FNBP1L: variants seen among roughly 807,000 people sequenced by gnomAD.
FNBP1L encodes the protein formin binding protein 1 like.
Under a neutral mutation model 91.2 loss-of-function variants are expected in FNBP1L, and 36 were observed. The observed-to-expected ratio is 0.39, with a 90% confidence interval of 0.30 to 0.52. The LOEUF (loss-of-function observed/expected upper bound fraction) is 0.52, where lower values mean the gene tolerates loss of function less well. FNBP1L is among the 20% of genes least tolerant of loss of function. The probability of loss-of-function intolerance (pLI) is 0.66; values close to 1 mark genes in which losing one functional copy is unlikely to be tolerated. For missense variants in FNBP1L, 571 were observed against 732.1 expected (o/e 0.78, Z 2.54); for synonymous variants, 242 against 237.0 (o/e 1.02, Z -0.19).
chr1:93,503,991 G>C (rs1300301794), intron 2 of FNBP1L, among the ~76,000 whole-genome samples: 2 of 152,090 alleles, frequency 1.3e-5, no homozygotes, highest in Non-Finnish European at 2.9e-5. Flanking sequence ...TAGTGGAAGA[G>C]AATTAGGCTG....
intron 5 of FNBP1L, among the ~76,000 whole-genome samples, chr1:93,528,843 T>C (rs998884677): frequency 6.6e-6 from 1 of 152,104 alleles, no homozygotes; most frequent in African/African-American, 2.4e-5. Flanking sequence ...GGTTGAATTA[T>C]GCATTGGAAA....
At chr1:93,474,870 C>T (rs1669437568) in intron 1 of FNBP1L, among the ~76,000 whole-genome samples, 2 of 152,168 alleles carry the variant, frequency 1.3e-5, no homozygotes, top group African/African-American at 4.8e-5. Context: ...CATTCTCACA[C>T]CTAGCTTCTT....
rs1557774013 is a variant in FNBP1L at position 93,459,979 on chromosome 1, T to TGTGTG, written c.24+11674_24+11675insGTGTG. 6.8e-4 allele frequency among the ~76,000 whole-genome samples: 32 copies of TGTGTG among 47,232 alleles called. No individual in the cohort carries two copies. In the East Asian group the frequency reaches 0.015, roughly 22 times the overall value. The allele number at this position is 47,232 out of a possible 152,430, so 31.0% of individuals were successfully genotyped here. On this transcript the variant is annotated intron_variant, in intron 1 of 16. Transcript: ENST00000271234. ...TGTGTGTGTGTGTGTGTGTGTGTGT[T>TGTGTG]TTTGGGATATTGAAATATTGGCATT... is the stretch of plus-strand genomic sequence containing the variant.
intron 10 of FNBP1L, among the ~76,000 whole-genome samples, chr1:93,539,417 G>A (rs1192121376): frequency 6.6e-6 from 1 of 151,820 alleles, no homozygotes; most frequent in Non-Finnish European, 1.5e-5. Context: ...CAGAACATAT[G>A]TCTAATATTT....
In FNBP1L at chr1:93,534,686, C is replaced by G. The variant is rs1671788331; in HGVS notation, c.787-19C>G. 6.5e-7 allele frequency: 1 copy of G among 1,527,352 alleles called. No individual in the cohort carries two copies. Among genetic ancestry groups the G allele is most frequent in the African/African-American group, 1.4e-5 (1 of 72,414 alleles). The allele number at this position is 1,527,352 out of a possible 1,614,324, so 94.6% of individuals were successfully genotyped here. On this transcript the variant is annotated intron_variant, in intron 8 of 16. Transcript: ENST00000271234. Reference sequence around the variant, plus strand: ...ATGAGCAAGTGAAACAGTTTTAAAACCTAGTTTCTTTTGTATAGGACTCTC... The same window carrying G: ...ATGAGCAAGTGAAACAGTTTTAAAAGCTAGTTTCTTTTGTATAGGACTCTC...
At position 93,500,871 on chromosome 1, in the gene FNBP1L, C is replaced by T. The variant is rs1023172338; in HGVS notation, c.140+1288C>T. On this transcript the variant is annotated intron_variant, in intron 2 of 16. Coordinates refer to ENST00000271234, the MANE Select transcript of FNBP1L (RefSeq NM_001164473.3). ...ATGGCATTATGCTAATTTCCTAATC[C>T]GTTTCCCTCCTGTTTGTTTAAACAA... Among the ~76,000 whole-genome samples, 7 of 152,056 alleles carry T rather than the reference C, an allele frequency of 4.6e-5. No individual in the cohort carries two copies. In the East Asian group the frequency reaches 7.7e-4, roughly 17 times the overall value.
intron 2 of FNBP1L, among the ~76,000 whole-genome samples, chr1:93,502,614 A>T (rs1373469445): frequency 6.6e-6 from 1 of 152,204 alleles, no homozygotes; most frequent in Non-Finnish European, 1.5e-5. Context: ...CAGTTCATTG[A>T]AACAAGGGTG....
intron 1 of FNBP1L, among the ~76,000 whole-genome samples, chr1:93,476,462 T>G (rs1669498077): frequency 6.6e-6 from 1 of 152,182 alleles, no homozygotes; most frequent in African/African-American, 2.4e-5. Flanking sequence ...CAACAAATAA[T>G]TGAATGTTAA....
At chr1:93,515,006 C>T (rs1194552223) in intron 2 of FNBP1L, among the ~76,000 whole-genome samples, 47 of 152,200 alleles carry the variant, frequency 3.1e-4, no homozygotes, top group African/African-American at 4.8e-4. Context: ...AGAAAATTTT[C>T]GCAACCTACT....
At chr1:93,495,981 C>CT (rs1370838174) in intron 1 of FNBP1L, among the ~76,000 whole-genome samples, 1 of 152,086 alleles carries the variant, frequency 6.6e-6, no homozygotes, top group African/African-American at 2.4e-5. Context: ...AGAAAAATTT[C>CT]TTTTAAGAAA....
intron 1 of FNBP1L, among the ~76,000 whole-genome samples, chr1:93,456,899 C>T (rs560468794): frequency 6.6e-6 from 1 of 152,024 alleles, no homozygotes; most frequent in African/African-American, 2.4e-5. Flanking sequence ...TCTTTCTTAT[C>T]TTTTTTGAGA....
chr1:93,456,007 C>T (rs975808739), intron 1 of FNBP1L, among the ~76,000 whole-genome samples: 22 of 152,324 alleles, frequency 1.4e-4, no homozygotes, highest in South Asian at 1.0e-3. Flanking sequence ...GGGGTACACC[C>T]CTCTAGTCTC....
intron 1 of FNBP1L, among the ~76,000 whole-genome samples, chr1:93,493,668 A>G (rs1255537607): frequency 6.6e-6 from 1 of 152,138 alleles, no homozygotes; most frequent in East Asian, 1.9e-4. Context: ...TTAGATATTT[A>G]TCCATGTTTT....
intron 2 of FNBP1L, among the ~76,000 whole-genome samples, chr1:93,507,625 C>A (rs898357564): frequency 4.3e-5 from 5 of 115,120 alleles, no homozygotes; most frequent in Non-Finnish European, 6.6e-5. Flanking sequence ...AGAATAAATT[C>A]TTATTGTATA....
chr1:93,474,076 C>T lies in FNBP1L; in HGVS notation c.25-25392C>T, dbSNP rs182339018. ...CCTGGCCAACATCGTGAAACGCCAT[C>T]TCTACTAAAAATACAAAAATTAGCG... is the stretch of plus-strand genomic sequence containing the variant. On this transcript the variant is annotated intron_variant, in intron 1 of 16. Coordinates refer to ENST00000271234, the MANE Select transcript of FNBP1L (RefSeq NM_001164473.3). 3.9e-5 allele frequency among the ~76,000 whole-genome samples: 6 copies of T among 152,224 alleles called. No individual in the cohort carries two copies. The East Asian group carries it at 1.2e-3, about 29-fold the overall frequency.
chr1:93,477,742 C>T (rs1669547372), intron 1 of FNBP1L, among the ~76,000 whole-genome samples: 1 of 152,164 alleles, frequency 6.6e-6, no homozygotes, highest in Non-Finnish European at 1.5e-5. Flanking sequence ...AGAATAAATA[C>T]TTGAGTCTAA....
intron 1 of FNBP1L, among the ~76,000 whole-genome samples, chr1:93,492,405 C>T (rs1046308508): frequency 6.6e-6 from 1 of 152,130 alleles, no homozygotes; most frequent in African/African-American, 2.4e-5. Context: ...GAAGAGCACA[C>T]AAGATGATCC....
intron 1 of FNBP1L, among the ~76,000 whole-genome samples, chr1:93,466,154 C>G (rs980342721): frequency 2.6e-5 from 4 of 152,058 alleles, no homozygotes; most frequent in African/African-American, 9.7e-5. Context: ...TGTAGGTTGC[C>G]TGTTCACTCT....
At chr1:93,536,203 T>C in intron 9 of FNBP1L, 129 bp from the exon 10 acceptor site, 1 of 591,830 alleles carries the variant, frequency 1.7e-6, no homozygotes, top group Non-Finnish European at 2.6e-6. Context: ...TACTTTCTCA[T>C]AATATTTTTA....
Sources: allele counts gnomAD v4.1 joint callset (sites outside exome capture counted in the v4.1 genomes callset), GRCh38; gene constraint gnomAD v4.1.1; transcripts MANE v1.5; gene names NCBI Gene and HGNC (gene_info 2026-07-23, HGNC 2026-07-21).